The following GON4L variants were observed in gnomAD, a reference collection of about 807,000 sequenced individuals.
The protein encoded by GON4L is gon-4 like.
A neutral mutation model predicts 211.8 loss-of-function variants in GON4L; 87 were observed. The ratio of observed to expected loss-of-function variants is 0.41; its 90% CI spans 0.35 to 0.49. The LOEUF (loss-of-function observed/expected upper bound fraction) is 0.49, where lower values mean the gene tolerates loss of function less well. Ranked by LOEUF, GON4L falls within the 20% of genes least tolerant of loss-of-function variation. The pLI, the probability that GON4L is intolerant of heterozygous loss-of-function variation, is 0.15. For missense variants in GON4L, 2,155 were observed against 2,659.5 expected, an observed-to-expected ratio of 0.81 and a Z score of 4.17; for synonymous variants, 875 against 962.6, an observed-to-expected ratio of 0.91 and a Z score of 1.68.
chr1:155,787,067 G>A (rs1354629745), intron 12 of GON4L, among the ~76,000 whole-genome samples: 2 of 147,102 alleles, frequency 1.4e-5, no homozygotes, highest in Non-Finnish European at 3.0e-5. Context: ...GACTACAGGC[G>A]CCTGCCACCG....
intron 2 of GON4L, among the ~76,000 whole-genome samples, chr1:155,830,303 G>T (rs1233974895): frequency 6.7e-6 from 1 of 149,858 alleles, no homozygotes. Context: ...TTGAGACGGA[G>T]TTCCATTCTT....
chr1:155,797,005 A>T (rs1056175877), intron 11 of GON4L, among the ~76,000 whole-genome samples: 2 of 152,180 alleles, frequency 1.3e-5, no homozygotes, highest in African/African-American at 4.8e-5. Flanking sequence ...GTGGAAAAAA[A>T]TTCTTGTTTG....
rs1192718253 is a variant in GON4L at position 155,752,025 on chromosome 1, T to C, written c.6408A>G (p.Glu2136=). 3 of 1,613,748 alleles carry C rather than the reference T, an allele frequency of 1.9e-6. No homozygotes were observed. The South Asian group carries it at 3.3e-5, about 18-fold the overall frequency. ...PEGEQQPKAA[E]ATVCANNSKV... ...TGCTGTTGTTGGCACACACCGTAGC[T>C]TCTGCGGCCTTTGGCTGCTGCTCCC... Residue 2136 remains glutamate, a synonymous_variant, in exon 30 of 32, where the codon GAA becomes GAG. Transcript: ENST00000368331.
intron 2 of GON4L, among the ~76,000 whole-genome samples, chr1:155,844,792 C>T (rs1200020108): frequency 2.6e-5 from 4 of 151,916 alleles, no homozygotes; most frequent in Non-Finnish European, 5.9e-5. Flanking sequence ...CAAAAAAAAC[C>T]CTCCCAAGTC....
chr1:155,782,219 T>G (rs1402236971), intron 14 of GON4L, among the ~76,000 whole-genome samples: 1 of 152,242 alleles, frequency 6.6e-6, no homozygotes, highest in African/African-American at 2.4e-5. Context: ...GGATGCTTTA[T>G]TTAGTCAAAG....
intron 12 of GON4L, among the ~76,000 whole-genome samples, chr1:155,786,193 G>A (rs942303430): frequency 6.6e-6 from 1 of 151,814 alleles, no homozygotes; most frequent in African/African-American, 2.4e-5. Flanking sequence ...GAGAATGAAA[G>A]AGAGATAGAG....
At position 155,749,920 on chromosome 1, in the gene GON4L, C is replaced by G. The variant is rs1045525075; in HGVS notation, c.*664G>C. 2 of 1,491,838 alleles carry G rather than the reference C, an allele frequency of 1.3e-6. No homozygotes were observed. The highest frequency in any genetic ancestry group is 2.9e-5 in the African/African-American group (2 of 69,048). 92.4% of individuals were successfully genotyped at this position (1,491,838 alleles called of 1,614,324 possible). ...CAGGTCTCTGTTTCCTCTCCCTCCA[C>G]AGCAGTGGAGAGCATCCCAGTGTTT... On this transcript the variant is annotated 3_prime_UTR_variant, in exon 32 of 32. Transcript: ENST00000368331.
rs775110756 is a variant in GON4L at position 155,773,096 on chromosome 1, T to A, written c.2465A>T (p.Asp822Val). 1 of 1,612,708 alleles carries A rather than the reference T, an allele frequency of 6.2e-7. No homozygotes were observed. Among genetic ancestry groups the A allele is most frequent in the Non-Finnish European group, 8.5e-7 (1 of 1,179,904 alleles). Residue 822 changes from aspartate (D) to valine (V), a missense_variant, in exon 18 of 32, where the codon GAT becomes GTT. By Grantham distance (152) the Asp-to-Val change is radical. Around this residue, in one of 6 missense-constraint regions of GON4L, gnomAD observed 551 missense variants for 854.0 expected, o/e 0.65. Coordinates refer to ENST00000368331, the MANE Select transcript of GON4L (RefSeq NM_001282860.2). ...CTCAGCCTTGGTGAAGACGATCTTA[T>A]CCTGGGGATTCTTTGCCTTCAGGGA... ...VCSLKAKNPQ[D>V]KIVFTKAEDN... is the part of the protein sequence containing the mutation.
At chr1:155,814,548 T>C in intron 8 of GON4L, 99 bp from the exon 9 acceptor site, 1 of 1,264,530 alleles carries the variant, frequency 7.9e-7, no homozygotes, top group Non-Finnish European at 1.1e-6. Flanking sequence ...TATCAATCAC[T>C]CAGCCTGGCC....
At chr1:155,809,588 A>G (rs1255481895) in intron 10 of GON4L, among the ~76,000 whole-genome samples, 1 of 133,026 alleles carries the variant, frequency 7.5e-6, no homozygotes, top group Non-Finnish European at 1.6e-5. Flanking sequence ...TAAATTATAT[A>G]CTTATATATA....
intron 24 of GON4L, among the ~76,000 whole-genome samples, chr1:155,759,161 T>C (rs1309536273): frequency 6.6e-6 from 1 of 151,854 alleles, no homozygotes; most frequent in Non-Finnish European, 1.5e-5. Context: ...CACACCCAGT[T>C]AGTTAATTTT....
chr1:155,828,936 G>A (rs564903824), intron 2 of GON4L, among the ~76,000 whole-genome samples: 2 of 152,182 alleles, frequency 1.3e-5, no homozygotes, highest in African/African-American at 4.8e-5. Flanking sequence ...AAGAGGACTT[G>A]GGGAGCAAGA....
At chr1:155,819,841 A>G (rs1571855340) in intron 6 of GON4L, among the ~76,000 whole-genome samples, 1 of 152,208 alleles carries the variant, frequency 6.6e-6, no homozygotes, top group South Asian at 2.1e-4. Flanking sequence ...GTTTTTGCCA[A>G]TGCATATTCC....
At chr1:155,809,169 C>T (rs1277727554) in intron 10 of GON4L, among the ~76,000 whole-genome samples, 1 of 152,096 alleles carries the variant, frequency 6.6e-6, no homozygotes, top group Non-Finnish European at 1.5e-5. Context: ...TAGCCTAGGA[C>T]TCCCAAAGTG....
rs146504521 is a variant in GON4L, at chr1:155,776,454, G to C, written c.2119C>G (p.Leu707Val). 5,353 of 1,612,910 alleles carry C rather than the reference G, an allele frequency of 3.3e-3. 20 individuals carry two copies. Among genetic ancestry groups the C allele is most frequent in the Middle Eastern group, 3.8e-3 (23 of 6,032 alleles). Reference sequence around the variant, plus strand: ...AGGTTGGGGTTGCAGGTGGCAAGAAGGTGGATTTGGGTCAAGAGCTGAACG... The same window carrying C: ...AGGTTGGGGTTGCAGGTGGCAAGAACGTGGATTTGGGTCAAGAGCTGAACG... Reference protein sequence around the residue: ...QHVQLLTQIHLLATCNPNLNP... With the variant: ...QHVQLLTQIHVLATCNPNLNP... The change falls in exon 16 of 32, where the codon CTT (leucine) becomes GTT (valine). Residue 707 changes from leucine to valine, a missense_variant. Physicochemically the swap from Leu to Val is conservative, Grantham distance 32. Coordinates refer to ENST00000368331, the MANE Select transcript of GON4L (RefSeq NM_001282860.2).
intron 2 of GON4L, among the ~76,000 whole-genome samples, 196 bp from the exon 3 acceptor site, chr1:155,827,224 T>C (rs1669294396): frequency 2.0e-5 from 3 of 152,246 alleles, no homozygotes; most frequent in Admixed American, 6.5e-5. Context: ...TTAAACTAGG[T>C]AATTGCTGAG....
chr1:155,845,685 C>G (rs1671169700), intron 2 of GON4L: 1 of 304,720 alleles, frequency 3.3e-6, no homozygotes, highest in Non-Finnish European at 6.6e-6. Context: ...AAGAATGACA[C>G]TGCCTTCAAT....
chr1:155,809,978 ATATATATATATAAT>A lies in GON4L; in HGVS notation c.1452+3642_1452+3655del, dbSNP rs1273329267. On this transcript the variant is annotated intron_variant, in intron 10 of 31. Transcript: ENST00000368331. ...TTATATACATATATAATTATAAATTATATATATATATAATTATATATATATATATATTTTTGAAA... is the reference window on the plus strand; with the variant it reads ...TTATATACATATATAATTATAAATTATATATATATATATATATTTTTGAAA... Among the ~76,000 whole-genome samples, 15 of 71,716 alleles carry A rather than the reference ATATATATATATAAT, an allele frequency of 2.1e-4. 2 individuals carry two copies. The highest frequency in any genetic ancestry group is 6.4e-4 in the African/African-American group (13 of 20,410). 47.0% of individuals were successfully genotyped at this position (71,716 alleles called of 152,430 possible). A position where few individuals can be genotyped will look rare whatever the true frequency, so the allele number is the denominator to read the frequency against.
At chr1:155,822,565 T>G in intron 3 of GON4L, 89 bp from the exon 4 acceptor site, 2 of 912,416 alleles carry the variant, frequency 2.2e-6, no homozygotes, top group East Asian at 2.4e-5. Context: ...TGGATAAATC[T>G]CAAAAGCATT....
Sources: gnomAD v4.1 joint callset for allele counts (sites outside exome capture counted in the v4.1 genomes callset) on GRCh38, gnomAD v4.1.1 for gene constraint, gnomAD v4.1.1 regional missense constraint, MANE v1.5 for transcripts, NCBI Gene and HGNC (gene_info 2026-07-23, HGNC 2026-07-21) for gene names.